Variants in GALNTL6 observed in about 807,000 individuals in gnomAD.
GALNTL6 encodes the protein polypeptide N-acetylgalactosaminyltransferase-like 6.
Under a neutral mutation model 73.7 loss-of-function variants are expected in GALNTL6, and 46 were observed. The ratio of observed to expected loss-of-function variants is 0.62; its 90% CI spans 0.49 to 0.80. GALNTL6 has a LOEUF of 0.80. GALNTL6 is among the 30% of genes least tolerant of loss of function. The probability of loss-of-function intolerance (pLI) is 0.00; values close to 1 mark genes in which losing one functional copy is unlikely to be tolerated. For synonymous variants in GALNTL6, 259 were observed against 263.7 expected, an observed-to-expected ratio of 0.98 and a Z score of 0.17; for missense variants, 604 against 755.0, an observed-to-expected ratio of 0.80 and a Z score of 2.34.
intron 9 of GALNTL6, among the ~76,000 whole-genome samples, chr4:172,933,178 T>C (rs1748438729): frequency 6.6e-6 from 1 of 152,038 alleles, no homozygotes; most frequent in South Asian, 2.1e-4. Context: ...ATCATAGCAG[T>C]TTAAAATATC....
At chr4:172,184,887 C>G (rs937536925) in intron 2 of GALNTL6, among the ~76,000 whole-genome samples, 1 of 152,154 alleles carries the variant, frequency 6.6e-6, no homozygotes, top group South Asian at 2.1e-4. Context: ...TAAAGTGAAG[C>G]GAGTCCTGCG....
At chr4:172,701,832 G>GTAAA (rs1051339017) in intron 5 of GALNTL6, among the ~76,000 whole-genome samples, 4 of 151,758 alleles carry the variant, frequency 2.6e-5, no homozygotes, top group Admixed American at 6.6e-5. Flanking sequence ...TTTCTCTTAT[G>GTAAA]TAAATAAATA....
intron 5 of GALNTL6, chr4:172,545,873 G>A (rs1028100883): frequency 1.3e-5 from 2 of 152,022 alleles, no homozygotes; most frequent in African/African-American, 4.8e-5. Flanking sequence ...CAACCTTTTT[G>A]GTAACAAACT....
intron 5 of GALNTL6, among the ~76,000 whole-genome samples, chr4:172,568,755 C>T (rs1736655172): frequency 1.4e-4 from 1 of 7,306 alleles, no homozygotes; most frequent in Non-Finnish European, 2.6e-4. Context: ...GAGACTCCAT[C>T]TCAAAAAAAA....
At chr4:172,084,623 C>A (rs1731973780) in intron 2 of GALNTL6, among the ~76,000 whole-genome samples, 2 of 152,160 alleles carry the variant, frequency 1.3e-5, no homozygotes, top group South Asian at 2.1e-4. Context: ...TTGTTTTTGT[C>A]TTTATTTTTT....
chr4:172,212,891 G>A (rs953052338), intron 2 of GALNTL6, among the ~76,000 whole-genome samples: 11 of 151,656 alleles, frequency 7.3e-5, no homozygotes, highest in Admixed American at 2.0e-4. Flanking sequence ...GGCTGTTCTC[G>A]AACTCCCGAC....
At chr4:172,234,571 T>A (rs1737175907) in intron 3 of GALNTL6, among the ~76,000 whole-genome samples, 1 of 152,190 alleles carries the variant, frequency 6.6e-6, no homozygotes. Context: ...TTGCATTTAT[T>A]AACATAGATA....
At chr4:172,514,443 C>T (rs190260474) in intron 5 of GALNTL6, among the ~76,000 whole-genome samples, 99 of 152,304 alleles carry the variant, frequency 6.5e-4, no homozygotes, top group African/African-American at 1.9e-3. Context: ...CCTCCAGCAG[C>T]ACTGAGTTTA....
intron 5 of GALNTL6, among the ~76,000 whole-genome samples, chr4:172,559,299 C>T (rs1736264927): frequency 6.6e-6 from 1 of 151,906 alleles, no homozygotes. Context: ...CTCCTGATCT[C>T]GTGATCCACC....
In GALNTL6 at chr4:172,476,922, CTTTTTTTT is replaced by C. The variant is rs149479550; in HGVS notation, c.553+128246_553+128253del. On this transcript the variant is annotated intron_variant, in intron 5 of 12. Transcript: ENST00000506823. ...ACAAACATAAATATGGCTTAAGAGA[CTTTTTTTT>C]TTTTTTTTTTTTGAGACAGAGTCTT... Among the ~76,000 whole-genome samples the C allele has an allele frequency of 1.6e-4, 18 of 113,352 alleles. No homozygotes were observed. In the East Asian group the frequency reaches 2.4e-3, roughly 15 times the overall value. 74.4% of individuals were successfully genotyped at this position (113,352 alleles called of 152,430 possible).
chr4:172,264,975 C>G (rs1465315550), intron 3 of GALNTL6, among the ~76,000 whole-genome samples: 1 of 151,370 alleles, frequency 6.6e-6, no homozygotes, highest in Non-Finnish European at 1.5e-5. Flanking sequence ...GTTGCAGTGT[C>G]CAAACAGAAG....
intron 2 of GALNTL6, among the ~76,000 whole-genome samples, chr4:172,217,995 GTCTTTCAGC>G (rs1204172235): frequency 1.3e-5 from 2 of 152,044 alleles, no homozygotes; most frequent in Non-Finnish European, 2.9e-5. Flanking sequence ...TAGAGGCTAT[GTCTTTCAGC>G]TCTTTCAGCT....
chr4:171,897,206 G>A (rs548817924), intron 2 of GALNTL6, among the ~76,000 whole-genome samples: 1 of 152,142 alleles, frequency 6.6e-6, no homozygotes, highest in African/African-American at 2.4e-5. Flanking sequence ...CTTGTCAGGG[G>A]TGACAAGTTA....
chr4:172,498,571 A>G (rs1456463941), intron 5 of GALNTL6, among the ~76,000 whole-genome samples: 1 of 152,174 alleles, frequency 6.6e-6, no homozygotes, highest in Non-Finnish European at 1.5e-5. Context: ...TGATACATCT[A>G]ATTTTTATTT....
intron 5 of GALNTL6, among the ~76,000 whole-genome samples, chr4:172,585,972 T>G (rs1320012769): frequency 6.6e-6 from 1 of 152,110 alleles, no homozygotes; most frequent in Non-Finnish European, 1.5e-5. Flanking sequence ...ACCATCTCAC[T>G]CCAGTCAGAA....
At chr4:171,885,770 A>G (rs1228446771) in intron 2 of GALNTL6, among the ~76,000 whole-genome samples, 1 of 152,144 alleles carries the variant, frequency 6.6e-6, no homozygotes, top group Non-Finnish European at 1.5e-5. Flanking sequence ...GCACCACTAC[A>G]CTCCAGCCTG....
At chr4:172,368,981 A>C (rs1333650576) in intron 5 of GALNTL6, among the ~76,000 whole-genome samples, 1 of 152,174 alleles carries the variant, frequency 6.6e-6, no homozygotes, top group East Asian at 1.9e-4. Flanking sequence ...AGCAGCAGCA[A>C]AATTTATTGT....
chr4:172,175,506 T>C (rs1229976388), intron 2 of GALNTL6, among the ~76,000 whole-genome samples: 1 of 152,138 alleles, frequency 6.6e-6, no homozygotes, highest in African/African-American at 2.4e-5. Context: ...ACAAAACAAA[T>C]GATGAGTCAA....
rs188763378 is a variant in GALNTL6, at chr4:172,043,911, G to A, written c.139-185745G>A. 1.3e-3 allele frequency among the ~76,000 whole-genome samples: 198 copies of A among 152,100 alleles called. 1 individual carries two copies. Among genetic ancestry groups the A allele is most frequent in the African/African-American group, 4.6e-3 (190 of 41,542 alleles). The stretch of plus-strand genomic sequence containing the variant: ...GTTTATGGCATGCATATTAAATAGA[G>A]AAATATAACTATTCTCTGTAGACAT... On this transcript the variant is annotated intron_variant, in intron 2 of 12. Transcript: ENST00000506823.
Sources: allele counts gnomAD v4.1 joint callset (sites outside exome capture counted in the v4.1 genomes callset), GRCh38; gene constraint gnomAD v4.1.1; transcripts MANE v1.5; gene names NCBI Gene and HGNC (gene_info 2026-07-23, HGNC 2026-07-21).